APOBEC3D: variants seen among roughly 807,000 people sequenced by gnomAD.
APOBEC3D encodes the protein DNA dC->dU-editing enzyme APOBEC-3D.
In APOBEC3D, 37 loss-of-function variants were observed where a neutral mutation model predicts 45.6. The observed-to-expected ratio is 0.81, with a 90% CI of 0.62 to 1.07. The LOEUF (loss-of-function observed/expected upper bound fraction) is 1.07. Among genes scored for constraint, APOBEC3D ranks in the 50% least tolerant of loss-of-function variants. APOBEC3D has a pLI of 0.00. For synonymous variants in APOBEC3D, 175 were observed against 180.7 expected, an observed-to-expected ratio of 0.97 and a Z score of 0.25; for missense variants, 496 against 495.3, an observed-to-expected ratio of 1.00 and a Z score of -0.01.
chr22:39,022,467 A>G (rs1444454752), intron 1 of APOBEC3D, among the ~76,000 whole-genome samples: 1 of 152,232 alleles, frequency 6.6e-6, no homozygotes, highest in African/African-American at 2.4e-5. Context: ...TCAGGAAGGA[A>G]TTGAGCTGAA....
rs151279146 is a variant in APOBEC3D, at chr22:39,026,142, C to T, written c.605+471C>T. 5.1e-4 allele frequency among the ~76,000 whole-genome samples: 77 copies of T among 152,280 alleles called. 1 individual carries two copies. In the East Asian group the frequency reaches 0.012, roughly 24 times the overall value. On this transcript the variant is annotated intron_variant, in intron 4 of 6. Coordinates refer to ENST00000216099, the MANE Select transcript of APOBEC3D (RefSeq NM_152426.4). ...GCGGCCATAGAAGATGCCCCCGGGC[C>T]GGGTGCCCACAGGGCAGGCATTTAT... is the stretch of plus-strand genomic sequence containing the variant.
intron 4 of APOBEC3D, among the ~76,000 whole-genome samples, chr22:39,026,760 T>TG (rs1027579520): frequency 7.3e-5 from 11 of 149,864 alleles, no homozygotes; most frequent in African/African-American, 2.5e-4. Context: ...TTTTTTTGTT[T>TG]TTTTTTTTTT....
In APOBEC3D at chr22:39,029,444, C is replaced by T; in HGVS notation, c.687C>T (p.Ser229=). The change falls in exon 5 of 7, where the codon AGC becomes AGT. Residue 229 remains serine (S), a synonymous_variant. Transcript: ENST00000216099. The part of the protein sequence containing the change: ...NLLKACGRNE[S]WLCFTMEVTK... ...TGAAAGCCTGTGGTCGGAACGAAAG[C>T]TGGCTGTGCTTCACCATGGAAGTTA... 1.9e-6 allele frequency: 3 copies of T among 1,614,206 alleles called. 1 individual carries two copies. The South Asian group carries it at 3.3e-5, about 18-fold the overall frequency.
intron 2 of APOBEC3D, among the ~76,000 whole-genome samples, chr22:39,024,073 G>T (rs1925393474): frequency 6.6e-6 from 1 of 152,094 alleles, no homozygotes; most frequent in African/African-American, 2.4e-5. Context: ...GTCCCCACAC[G>T]CTAAAAAGGC....
intron 4 of APOBEC3D, among the ~76,000 whole-genome samples, chr22:39,028,142 G>A (rs1925862927): frequency 6.6e-6 from 1 of 152,212 alleles, no homozygotes; most frequent in Non-Finnish European, 1.5e-5. Context: ...CGCCTCCGCT[G>A]TGAGCAGAGT....
At chr22:39,021,979 G>A (rs571061307) in intron 1 of APOBEC3D, among the ~76,000 whole-genome samples, 4 of 152,262 alleles carry the variant, frequency 2.6e-5, no homozygotes, top group South Asian at 2.1e-4. Flanking sequence ...GAGGGTGTGG[G>A]GAGGGAATGG....
At chr22:39,028,314 C>G (rs374509908) in intron 4 of APOBEC3D, among the ~76,000 whole-genome samples, 1 of 152,248 alleles carries the variant, frequency 6.6e-6, no homozygotes, top group Non-Finnish European at 1.5e-5. Context: ...AGCTCCCCAC[C>G]GCAGGGCCTG....
intron 2 of APOBEC3D, among the ~76,000 whole-genome samples, 187 bp downstream of exon 2, chr22:39,023,201 C>T (rs1409599110): frequency 1.3e-5 from 2 of 151,810 alleles, no homozygotes; most frequent in African/African-American, 2.4e-5. Context: ...CTGCAACCTC[C>T]ACCTCTTGGG....
rs1249620028 is a variant in APOBEC3D at position 39,031,725 on chromosome 22, G to T, written c.794G>T (p.Arg265Met). 8 of 1,612,708 alleles carry T rather than the reference G, an allele frequency of 5.0e-6. No individual in the cohort carries two copies. The highest frequency in any genetic ancestry group is 6.8e-6 in the Non-Finnish European group (8 of 1,178,914). ...CCTGAGACCCATTGTCATGCAGAAAGGTGCTTCCTCTCTTGGTTCTGTGAC... is the reference window on the plus strand; with the variant it reads ...CCTGAGACCCATTGTCATGCAGAAATGTGCTTCCTCTCTTGGTTCTGTGAC... ...VDPETHCHAE[R>M]CFLSWFCDDI... is the part of the protein sequence containing the mutation. Residue 265 changes from arginine (R) to methionine (M), a missense_variant, in exon 6 of 7, where the codon AGG (arginine) becomes ATG (methionine). Arg to Met is a moderately conservative substitution (Grantham distance 91). Transcript: ENST00000216099.
chr22:39,023,085 T>G (rs1479595936), intron 2 of APOBEC3D, 71 bp downstream of exon 2: 14 of 1,252,310 alleles, frequency 1.1e-5, no homozygotes, highest in Non-Finnish European at 1.4e-5. Context: ...GTGTATTTTT[T>G]CCCCACATTT....
intron 4 of APOBEC3D, among the ~76,000 whole-genome samples, chr22:39,027,954 C>T (rs1413126159): frequency 6.6e-6 from 1 of 152,252 alleles, no homozygotes; most frequent in African/African-American, 2.4e-5. Context: ...CCCGCCATTC[C>T]TGAGCTCAGG....
intron 4 of APOBEC3D, 132 bp downstream of exon 4, chr22:39,025,803 C>T: frequency 6.5e-7 from 1 of 1,537,228 alleles, no homozygotes; most frequent in Non-Finnish European, 8.8e-7. Context: ...CACCCCCTCA[C>T]CCACACTCCT....
intron 1 of APOBEC3D, among the ~76,000 whole-genome samples, chr22:39,022,431 A>G (rs896210716): frequency 9.8e-5 from 15 of 152,290 alleles, no homozygotes; most frequent in Admixed American, 2.0e-4. Flanking sequence ...TGATTTTAAA[A>G]TAATGTTAAC....
intron 5 of APOBEC3D, 66 bp from the exon 6 acceptor site, chr22:39,031,628 C>A: frequency 6.3e-7 from 1 of 1,590,714 alleles, no homozygotes; most frequent in South Asian, 1.1e-5. Flanking sequence ...CTCCCATCGC[C>A]CCACCCCTAC....
At position 39,025,624 on chromosome 22, in the gene APOBEC3D, C is replaced by T. The variant is rs755076267; in HGVS notation, c.558C>T (p.Phe186=). 6 of 1,614,126 alleles carry T rather than the reference C, an allele frequency of 3.7e-6. No homozygotes were observed. The highest frequency in any genetic ancestry group is 3.3e-5 in the South Asian group (3 of 91,088). Residue 186 remains phenylalanine (F), a synonymous_variant, in exon 4 of 7, where the codon TTC becomes TTT. Coordinates refer to ENST00000216099, the MANE Select transcript of APOBEC3D (RefSeq NM_152426.4). ...EGQPFMPWYK[F]DDNYASLHRT... ...AGCCATTCATGCCTTGGTACAAATTCGATGACAATTATGCATCCCTGCACC... is the reference window on the plus strand; with the variant it reads ...AGCCATTCATGCCTTGGTACAAATTTGATGACAATTATGCATCCCTGCACC...
intron 5 of APOBEC3D, among the ~76,000 whole-genome samples, 178 bp from the exon 6 acceptor site, chr22:39,031,516 G>GC (rs1926209638): frequency 6.6e-6 from 1 of 152,272 alleles, no homozygotes; most frequent in African/African-American, 2.4e-5. Flanking sequence ...GCTGCAGTCA[G>GC]CCCAGATCGC....
chr22:39,027,760 G>T (rs1189240996), intron 4 of APOBEC3D, among the ~76,000 whole-genome samples: 1 of 152,128 alleles, frequency 6.6e-6, no homozygotes, highest in East Asian at 1.9e-4. Flanking sequence ...CTCCCCTCTG[G>T]TTCCTCTGCT....
Position 39,028,656 on chromosome 22 carries a change from C to T in APOBEC3D, c.606-707C>T, listed in dbSNP as rs150468711. Among the ~76,000 whole-genome samples the T allele has an allele frequency of 3.3e-3, 495 of 152,250 alleles. 7 individuals are homozygous for T. Among genetic ancestry groups the T allele is most frequent in the African/African-American group, 0.011 (469 of 41,552 alleles). ...TCTACTAAAAATACAAAAATTAGGG[C>T]CAGGCGCGGTGGCTCACACCGGTAA... On this transcript the variant is annotated intron_variant, in intron 4 of 6. Coordinates refer to ENST00000216099, the MANE Select transcript of APOBEC3D (RefSeq NM_152426.4).
rs867687902 is a variant in APOBEC3D, at chr22:39,025,277, G to T, written c.418G>T (p.Asp140Tyr). The change falls in exon 3 of 7, where the codon GAT (aspartate) becomes TAT (tyrosine). Residue 140 changes from aspartate to tyrosine, a missense_variant. Asp to Tyr is a radical substitution (Grantham distance 160, BLOSUM62 -3). Transcript: ENST00000216099. ...TGCCGCCCGCCTCTACTACTACCGG[G>T]ATAGAGATTGGCGGTGGGTGCTCCT... ...ISAARLYYYR[D>Y]RDWRWVLLRL... The T allele has an allele frequency of 6.2e-7, 1 of 1,614,136 alleles. No homozygotes were observed. Among genetic ancestry groups the T allele is most frequent in the Non-Finnish European group, 8.5e-7 (1 of 1,180,022 alleles).
Sources: allele counts gnomAD v4.1 joint callset (sites outside exome capture counted in the v4.1 genomes callset), GRCh38; gene constraint gnomAD v4.1.1; transcripts MANE v1.5; gene names NCBI Gene and HGNC (gene_info 2026-07-23, HGNC 2026-07-21).